Variants in IL1RAPL1 observed in about 807,000 individuals in gnomAD.
The protein encoded by IL1RAPL1 is interleukin-1 receptor accessory protein-like 1.
Under a neutral mutation model 48.4 loss-of-function variants are expected in IL1RAPL1, and 3 were observed. That is an observed-to-expected ratio of 0.06 (90% CI 0.03 to 0.16). The LOEUF (loss-of-function observed/expected upper bound fraction) is 0.16, where lower values mean the gene tolerates loss of function less well. Ranked by LOEUF, IL1RAPL1 falls within the 10% of genes least tolerant of loss-of-function variation. The pLI is 1.00. For missense variants in IL1RAPL1, 349 were observed against 530.6 expected, an observed-to-expected ratio of 0.66 and a Z score of 3.36; for synonymous variants, 185 against 187.7, an observed-to-expected ratio of 0.99 and a Z score of 0.12.
intron 2 of IL1RAPL1, among the ~76,000 whole-genome samples, chrX:29,065,036 TTTG>T (rs1453824826): frequency 3.6e-5 from 4 of 112,228 alleles, no homozygotes; most frequent in African/African-American, 9.7e-5. Context: ...CCTCATTTGT[TTTG>T]TTGTTGTCAA....
intron 1 of IL1RAPL1, among the ~76,000 whole-genome samples, chrX:28,749,642 C>T (rs1312020805): frequency 9.0e-6 from 1 of 111,421 alleles, no homozygotes; most frequent in African/African-American, 3.3e-5. Flanking sequence ...CTTATATATT[C>T]TGGATATTAA....
intron 2 of IL1RAPL1, among the ~76,000 whole-genome samples, chrX:28,908,284 G>A (rs1923271426): frequency 9.0e-6 from 1 of 111,123 alleles, no homozygotes; most frequent in Admixed American, 9.6e-5. Context: ...TTCCTAGGGT[G>A]AAAGCTTAGA....
chrX:29,330,067 G>A (rs192460407), intron 3 of IL1RAPL1, among the ~76,000 whole-genome samples: 81 of 110,769 alleles, frequency 7.3e-4, no homozygotes, highest in African/African-American at 2.5e-3. Context: ...CTTTTGGGGA[G>A]GGTGAAATGC....
chrX:29,951,757 G>A (rs1294884901), intron 9 of IL1RAPL1, among the ~76,000 whole-genome samples: 4 of 111,909 alleles, frequency 3.6e-5, no homozygotes, highest in African/African-American at 9.7e-5. Context: ...AGCTTGTTAC[G>A]TTGTGAGCAT....
At chrX:29,648,425 G>A (rs1925408289) in intron 5 of IL1RAPL1, among the ~76,000 whole-genome samples, 1 of 111,698 alleles carries the variant, frequency 9.0e-6, no homozygotes, top group Non-Finnish European at 1.9e-5. Context: ...GAAGACTGAA[G>A]TAATATCAAG....
intron 3 of IL1RAPL1, among the ~76,000 whole-genome samples, chrX:29,316,933 C>G (rs1932772554): frequency 9.0e-6 from 1 of 110,721 alleles, no homozygotes; most frequent in Admixed American, 9.6e-5. Context: ...GTCAGTTGTG[C>G]CTAAACTCCA....
At chrX:29,506,432 T>TCTCCCC (rs1556025722) in intron 5 of IL1RAPL1, among the ~76,000 whole-genome samples, 1 of 21,529 alleles carries the variant, frequency 4.6e-5, no homozygotes, top group African/African-American at 1.6e-4. Context: ...TTCTTCTCCT[T>TCTCCCC]CTCCTTCTCC....
At chrX:29,946,260 C>T (rs1014800886) in intron 9 of IL1RAPL1, among the ~76,000 whole-genome samples, 8 of 112,017 alleles carry the variant, frequency 7.1e-5, no homozygotes, top group Non-Finnish European at 1.1e-4. Context: ...TCCATTTTGC[C>T]TGCTAGAACA....
chrX:29,553,692 C>T (rs1921896271), intron 5 of IL1RAPL1, among the ~76,000 whole-genome samples: 1 of 111,142 alleles, frequency 9.0e-6, no homozygotes, highest in African/African-American at 3.3e-5. Flanking sequence ...AACACTCATA[C>T]TCTGGGCATA....
intron 5 of IL1RAPL1, among the ~76,000 whole-genome samples, chrX:29,476,853 T>C (rs1470158990): frequency 9.7e-6 from 1 of 103,436 alleles, no homozygotes; most frequent in Non-Finnish European, 2.0e-5. Context: ...CAGTGACTCA[T>C]TTACTTTTTA....
At chrX:28,792,572 G>A (rs1936551106) in intron 2 of IL1RAPL1, among the ~76,000 whole-genome samples, 1 of 105,399 alleles carries the variant, frequency 9.5e-6, no homozygotes, top group South Asian at 4.3e-4. Flanking sequence ...CAGATCACGA[G>A]GTCAGGAGAT....
rs1266880528 is a variant in IL1RAPL1 at position 29,506,462 on chromosome X, C to CCTCCTT, written c.703+107158_703+107163dup. On this transcript the variant is annotated intron_variant, in intron 5 of 10. Coordinates refer to ENST00000378993, the MANE Select transcript of IL1RAPL1 (RefSeq NM_014271.4). ...TTCTCCTCCTCCTCCTCCTCCTCCT[C>CCTCCTT]CTCCTTCTCATTCTTCTTCTTCTTT... Among the ~76,000 whole-genome samples the CCTCCTT allele has an allele frequency of 7.4e-5, 8 of 108,130 alleles. No individual in the cohort carries two copies. The East Asian group carries it at 1.5e-3, about 20-fold the overall frequency. The allele number at this position is 108,130 out of a possible 115,157, so 93.9% of individuals were successfully genotyped here. A position where few individuals can be genotyped will look rare whatever the true frequency, so the allele number is the denominator to read the frequency against.
At chrX:28,673,739 C>T (rs12842704) in intron 1 of IL1RAPL1, among the ~76,000 whole-genome samples, 19 of 111,461 alleles carry the variant, frequency 1.7e-4, no homozygotes, top group Non-Finnish European at 3.4e-4. Flanking sequence ...CCCATGTCTT[C>T]CTCACACCTA....
chrX:29,269,653 CT>C (rs1253762802), intron 2 of IL1RAPL1, among the ~76,000 whole-genome samples: 1 of 105,001 alleles, frequency 9.5e-6, no homozygotes, highest in Non-Finnish European at 1.9e-5. Context: ...CTGCCATCAT[CT>C]CTCACCTGAA....
intron 1 of IL1RAPL1, among the ~76,000 whole-genome samples, chrX:28,603,330 G>T (rs1934048283): frequency 9.0e-6 from 1 of 111,715 alleles, no homozygotes; most frequent in Admixed American, 9.6e-5. Flanking sequence ...TGAGGTAAAT[G>T]AATTTTGCCT....
intron 3 of IL1RAPL1, among the ~76,000 whole-genome samples, chrX:29,323,427 T>A (rs900955255): frequency 5.6e-5 from 6 of 107,684 alleles, no homozygotes; most frequent in African/African-American, 1.7e-4. Flanking sequence ...TTGACACTGT[T>A]CATTACTCTG....
At chrX:29,545,965 C>G (rs1202479908) in intron 5 of IL1RAPL1, among the ~76,000 whole-genome samples, 1 of 111,411 alleles carries the variant, frequency 9.0e-6, no homozygotes, top group Admixed American at 9.6e-5. Flanking sequence ...CTTCTTAACC[C>G]GGGGCAGGCA....
intron 3 of IL1RAPL1, among the ~76,000 whole-genome samples, chrX:29,328,855 G>T (rs1051245940): frequency 9.1e-6 from 1 of 110,233 alleles, no homozygotes; most frequent in Non-Finnish European, 1.9e-5. Flanking sequence ...TCTTAAAGTC[G>T]TATGCTTTTC....
Position 28,931,149 on chromosome X carries a change from TC to T in IL1RAPL1, c.82+141725del, listed in dbSNP as rs1305502281. ...AAATCAAGGAAATGGCTTGCATTATTCTATCTTTTCTTTTCTAAACAGTGTT... is the reference window on the plus strand; with the variant it reads ...AAATCAAGGAAATGGCTTGCATTATTTATCTTTTCTTTTCTAAACAGTGTT... On this transcript the variant is annotated intron_variant, in intron 2 of 10. Coordinates refer to ENST00000378993, the MANE Select transcript of IL1RAPL1 (RefSeq NM_014271.4). Among the ~76,000 whole-genome samples the T allele has an allele frequency of 2.7e-5, 3 of 111,794 alleles. No homozygotes were observed. The East Asian group carries it at 8.4e-4, about 31-fold the overall frequency.
Sources: gnomAD v4.1 joint callset for allele counts (sites outside exome capture counted in the v4.1 genomes callset) on GRCh38, gnomAD v4.1.1 for gene constraint, MANE v1.5 for transcripts, NCBI Gene and HGNC (gene_info 2026-07-23, HGNC 2026-07-21) for gene names.